PLSCR2: variants seen among roughly 807,000 people sequenced by gnomAD.
The protein encoded by PLSCR2 is phospholipid scramblase 2.
In PLSCR2, 18 loss-of-function variants were observed where a neutral mutation model predicts 25.3. That is an observed-to-expected ratio of 0.71 (90% CI 0.49 to 1.06). The LOEUF is 1.06. PLSCR2 is among the 50% of genes least tolerant of loss of function. PLSCR2 has a pLI of 0.00. For missense variants in PLSCR2, 243 were observed against 269.5 expected, an observed-to-expected ratio of 0.90 and a Z score of 0.69; for synonymous variants, 88 against 87.3, an observed-to-expected ratio of 1.01 and a Z score of -0.04.
chr3:146,448,945 AC>A (rs2040725741), intron 6 of PLSCR2, among the ~76,000 whole-genome samples: 1 of 152,096 alleles, frequency 6.6e-6, no homozygotes, highest in South Asian at 2.1e-4. Context: ...TAATAACCCT[AC>A]CCCAAACCAG....
chr3:146,483,151 C>G (rs2043189265), intron 1 of PLSCR2, among the ~76,000 whole-genome samples: 1 of 150,922 alleles, frequency 6.6e-6, no homozygotes, highest in Non-Finnish European at 1.5e-5. Context: ...TGACAAAGGG[C>G]TAATATCCAG....
chr3:146,474,285 G>T (rs763247689), intron 1 of PLSCR2, among the ~76,000 whole-genome samples: 1 of 152,052 alleles, frequency 6.6e-6, no homozygotes, highest in Non-Finnish European at 1.5e-5. Flanking sequence ...TCTGCATGGA[G>T]GGTTTTATTT....
chr3:146,391,576 G>A (rs1264825281), intron 3 of PLSCR2: 1 of 152,440 alleles, frequency 6.6e-6, no homozygotes, highest in Non-Finnish European at 1.5e-5. Context: ...GAATGAAAAT[G>A]AAAAATAAAT....
chr3:146,405,200 G>C (rs56111687), intron 2 of PLSCR2, among the ~76,000 whole-genome samples: 40,876 of 152,046 alleles, frequency 0.27, 5,708 homozygotes, highest in South Asian at 0.44. Flanking sequence ...AAATAAAGTA[G>C]GCAAAAAGTT....
chr3:146,448,157 G>A (rs367574408), intron 6 of PLSCR2, among the ~76,000 whole-genome samples: 9 of 152,068 alleles, frequency 5.9e-5, no homozygotes, highest in African/African-American at 1.9e-4. Flanking sequence ...ATGATCATTT[G>A]ACTGATTTTC....
At chr3:146,487,255 C>T in intron 1 of PLSCR2, among the ~76,000 whole-genome samples, 1 of 152,000 alleles carries the variant, frequency 6.6e-6, no homozygotes, top group East Asian at 1.9e-4. Context: ...AAAACCAGCA[C>T]AAGACAAGGA....
intron 3 of PLSCR2, among the ~76,000 whole-genome samples, chr3:146,395,562 C>G (rs533178360): frequency 6.6e-6 from 1 of 152,250 alleles, no homozygotes; most frequent in African/African-American, 2.4e-5. Flanking sequence ...CCTGAATCAT[C>G]ATGTTTCTAG....
chr3:146,415,779 T>C (rs2038988983), intron 2 of PLSCR2, among the ~76,000 whole-genome samples: 1 of 152,152 alleles, frequency 6.6e-6, no homozygotes, highest in South Asian at 2.1e-4. Context: ...TTGTATTCAA[T>C]GTAGTACAGA....
At chr3:146,483,440 TATAC>T (rs1156312821) in intron 1 of PLSCR2, among the ~76,000 whole-genome samples, 1 of 65,112 alleles carries the variant, frequency 1.5e-5, no homozygotes, top group African/African-American at 6.8e-5. Context: ...TATATATATA[TATAC>T]ACATGTATGT....
intron 1 of PLSCR2, among the ~76,000 whole-genome samples, chr3:146,486,951 A>G (rs892073653): frequency 6.6e-6 from 1 of 152,180 alleles, no homozygotes; most frequent in Non-Finnish European, 1.5e-5. Context: ...GCAGCCCATC[A>G]AAAAGTTTAT....
intron 1 of PLSCR2, among the ~76,000 whole-genome samples, chr3:146,471,631 ATCTCAGCTCACTGCACAC>A (rs902792031): frequency 2.0e-5 from 3 of 150,174 alleles, no homozygotes; most frequent in African/African-American, 7.4e-5. Flanking sequence ...CAGTGGCACG[ATCTCAGCTCACTGCACAC>A]TCCACCCTCC....
Position 146,495,935 on chromosome 3 carries a change from C to T in PLSCR2, c.-333G>A, listed in dbSNP as rs182559660. 7,954 of 1,534,524 alleles carry T rather than the reference C, an allele frequency of 5.2e-3. 37 individuals are homozygous for T. The highest frequency in any genetic ancestry group is 6.4e-3 in the Non-Finnish European group (7,382 of 1,145,510). ...GAAAAGGCTTCATTCTCCATTCGGC[C>T]CACAATCCAGAGTCTCTCAGAATTA... On this transcript the variant is annotated 5_prime_UTR_variant, in exon 1 of 9. Transcript: ENST00000336685.
chr3:146,459,807 G>GTT (rs201700558), intron 2 of PLSCR2, 41 bp downstream of exon 2: 5,394 of 1,148,696 alleles, frequency 4.7e-3, no homozygotes, highest in South Asian at 7.4e-3. Context: ...CAGAAAGAGA[G>GTT]TTTTTTTTTT....
chr3:146,477,256 G>A (rs2042321180), intron 1 of PLSCR2, among the ~76,000 whole-genome samples: 1 of 152,222 alleles, frequency 6.6e-6, no homozygotes, highest in African/African-American at 2.4e-5. Context: ...GCAGCCCACG[G>A]AGGGTGACCC....
chr3:146,455,786 A>G (rs530973816), intron 3 of PLSCR2, among the ~76,000 whole-genome samples: 1 of 152,316 alleles, frequency 6.6e-6, no homozygotes, highest in East Asian at 1.9e-4. Flanking sequence ...TGCTAGGTGT[A>G]TGGATAAAAT....
downstream of PLSCR2, among the ~76,000 whole-genome samples, chr3:146,439,947 G>C (rs375414888): frequency 2.1e-4 from 32 of 152,200 alleles, no homozygotes; most frequent in East Asian, 3.5e-3. Flanking sequence ...GTACAGATGG[G>C]GTTTTGGTGT....
At chr3:146,467,410 A>G (rs927449980) in intron 1 of PLSCR2, among the ~76,000 whole-genome samples, 5 of 152,160 alleles carry the variant, frequency 3.3e-5, no homozygotes, top group African/African-American at 4.8e-5. Flanking sequence ...TAGTTGAATA[A>G]TATATTTACA....
chr3:146,478,299 A>G (rs1415774469), intron 1 of PLSCR2, among the ~76,000 whole-genome samples: 1 of 152,220 alleles, frequency 6.6e-6, no homozygotes, highest in Non-Finnish European at 1.5e-5. Flanking sequence ...TCTGAGCTAA[A>G]GGAGCATGTT....
At chr3:146,410,502 T>A (rs957392077) in intron 2 of PLSCR2, among the ~76,000 whole-genome samples, 1 of 152,208 alleles carries the variant, frequency 6.6e-6, no homozygotes, top group African/African-American at 2.4e-5. Context: ...TTTTTCACAC[T>A]CGTTCTTGTA....
Sources: allele counts gnomAD v4.1 joint callset (sites outside exome capture counted in the v4.1 genomes callset), GRCh38; gene constraint gnomAD v4.1.1; transcripts MANE v1.5; gene names NCBI Gene and HGNC (gene_info 2026-07-23, HGNC 2026-07-21).